TPO: variants seen among roughly 807,000 people sequenced by gnomAD.
TPO encodes the protein thyroid microsomal antigen.
In TPO, 78 loss-of-function variants were observed where a neutral mutation model predicts 96.9. The ratio of observed to expected loss-of-function variants is 0.81; its 90% confidence interval spans 0.67 to 0.97. The LOEUF is 0.97. TPO is among the 50% of genes least tolerant of loss of function. The probability of loss-of-function intolerance (pLI) is 0.00; values close to 1 mark genes in which losing one functional copy is unlikely to be tolerated. For synonymous variants in TPO, 547 were observed against 538.0 expected, an observed-to-expected ratio of 1.02 and a Z score of -0.23; for missense variants, 1,252 against 1,274.8, an observed-to-expected ratio of 0.98 and a Z score of 0.27.
At chr2:1,436,031 T>C (rs1220236457) in intron 4 of TPO, among the ~76,000 whole-genome samples, 1 of 152,146 alleles carries the variant, frequency 6.6e-6, no homozygotes, top group East Asian at 1.9e-4. Context: ...AAAAATAAAT[T>C]TTAAAACCCC....
At chr2:1,417,228 C>G (rs1573090744) in intron 2 of TPO, among the ~76,000 whole-genome samples, 1 of 143,400 alleles carries the variant, frequency 7.0e-6, no homozygotes, top group African/African-American at 2.6e-5. Context: ...CCGTGACTCA[C>G]ATCTGCAATC....
At position 1,477,334 on chromosome 2, in the gene TPO, C is replaced by G; in HGVS notation, c.1068C>G (p.Leu356=). 1 of 1,558,984 alleles carries G rather than the reference C, an allele frequency of 6.4e-7. No homozygotes were observed. Among genetic ancestry groups the G allele is most frequent in the Non-Finnish European group, 8.7e-7 (1 of 1,152,444 alleles). The change falls in exon 8 of 17, where the codon CTC becomes CTG. Residue 356 remains leucine (L), a synonymous_variant. Coordinates refer to ENST00000329066, the MANE Select transcript of TPO (RefSeq NM_001206744.2). ...GGCTGCTCCGCGTCCACGCGCGCCT[C>G]CGGGACTCCGGCCGCGCCTACCTGC... is the stretch of plus-strand genomic sequence containing the variant. ...AEGLLRVHAR[L]RDSGRAYLPF...
chr2:1,414,768 T>A (rs554748454), intron 2 of TPO, among the ~76,000 whole-genome samples: 1 of 152,246 alleles, frequency 6.6e-6, no homozygotes, highest in Admixed American at 6.5e-5. Context: ...GAAAAAAAAA[T>A]TCTTTGGGAG....
At chr2:1,445,278 G>C (rs1666667533) in intron 5 of TPO, among the ~76,000 whole-genome samples, 1 of 131,172 alleles carries the variant, frequency 7.6e-6, no homozygotes, top group African/African-American at 2.9e-5. Flanking sequence ...ACTGCTGCAG[G>C]AGGCACCATG....
At chr2:1,522,198 C>T (rs1204761005) in intron 15 of TPO, among the ~76,000 whole-genome samples, 1 of 147,880 alleles carries the variant, frequency 6.8e-6, no homozygotes, top group Non-Finnish European at 1.5e-5. Context: ...TCTCTCTACC[C>T]CACACCGGCC....
intron 15 of TPO, among the ~76,000 whole-genome samples, chr2:1,521,251 C>T (rs1230349521): frequency 6.6e-6 from 1 of 152,242 alleles, no homozygotes; most frequent in African/African-American, 2.4e-5. Context: ...CCGTCCAGGA[C>T]GTCTAACCCT....
intron 5 of TPO, among the ~76,000 whole-genome samples, chr2:1,440,338 G>A (rs533559074): frequency 4.6e-5 from 7 of 152,202 alleles, no homozygotes; most frequent in African/African-American, 1.4e-4. Context: ...TTGCTTTATG[G>A]TGTGATGTCT....
At chr2:1,379,391 C>A (rs1661772992) in intron 1 of TPO, among the ~76,000 whole-genome samples, 1 of 152,152 alleles carries the variant, frequency 6.6e-6, no homozygotes. Flanking sequence ...CCATATGTGA[C>A]ATTCAGCCCA....
intron 7 of TPO, among the ~76,000 whole-genome samples, chr2:1,461,821 C>A (rs533431377): frequency 6.6e-6 from 1 of 152,160 alleles, no homozygotes; most frequent in African/African-American, 2.4e-5. Context: ...TGCTGACATG[C>A]GGACCCTGTG....
intron 1 of TPO, among the ~76,000 whole-genome samples, chr2:1,394,841 G>C (rs1662054611): frequency 6.6e-6 from 1 of 152,114 alleles, no homozygotes; most frequent in Non-Finnish European, 1.5e-5. Context: ...CGCATTGGAT[G>C]GGCCATGAGA....
chr2:1,427,250 G>T (rs2148465557), intron 3 of TPO, among the ~76,000 whole-genome samples: 1 of 152,358 alleles, frequency 6.6e-6, no homozygotes, highest in Non-Finnish European at 1.5e-5. Flanking sequence ...CAGTGAGCTT[G>T]CCGGCCCAGG....
chr2:1,511,003 G>T (rs1674049839), intron 14 of TPO, among the ~76,000 whole-genome samples: 1 of 152,188 alleles, frequency 6.6e-6, no homozygotes, highest in South Asian at 2.1e-4. Context: ...CGATATAAAA[G>T]AATAGATTTA....
At chr2:1,454,623 C>T (rs1335751269) in intron 6 of TPO, among the ~76,000 whole-genome samples, 1 of 152,164 alleles carries the variant, frequency 6.6e-6, no homozygotes, top group Non-Finnish European at 1.5e-5. Context: ...GGCAATTGGG[C>T]TCACGCTCTG....
intron 11 of TPO, 111 bp downstream of exon 11, chr2:1,494,150 C>T: frequency 9.1e-7 from 1 of 1,092,988 alleles, no homozygotes; most frequent in Non-Finnish European, 1.4e-6. Context: ...CACCATTCAA[C>T]TCTTACGTAA....
intron 2 of TPO, among the ~76,000 whole-genome samples, chr2:1,422,292 A>G (rs1158513562): frequency 3.5e-5 from 1 of 28,178 alleles, no homozygotes; most frequent in Admixed American, 4.5e-4. Flanking sequence ...AGCCTTGAAG[A>G]CCCCGCAGGC....
At chr2:1,497,621 C>T (rs1245347856) in intron 13 of TPO, among the ~76,000 whole-genome samples, 9 of 152,204 alleles carry the variant, frequency 5.9e-5, no homozygotes, top group African/African-American at 1.7e-4. Context: ...CAGGCAGGAG[C>T]AGGAATGGCT....
chr2:1,472,674 T>C (rs1669533899), intron 7 of TPO, among the ~76,000 whole-genome samples: 1 of 152,054 alleles, frequency 6.6e-6, no homozygotes, highest in Admixed American at 6.5e-5. Context: ...CACTGCCAGG[T>C]TGGAAGGCAG....
At chr2:1,458,724 C>T (rs1343036990) in intron 7 of TPO, among the ~76,000 whole-genome samples, 1 of 152,174 alleles carries the variant, frequency 6.6e-6, no homozygotes, top group Non-Finnish European at 1.5e-5. Flanking sequence ...TGTGCATGCT[C>T]AGTGCCTGGT....
intron 7 of TPO, among the ~76,000 whole-genome samples, chr2:1,462,859 G>A (rs1434820937): frequency 1.3e-5 from 2 of 152,102 alleles, no homozygotes; most frequent in South Asian, 2.1e-4. Flanking sequence ...TTTAAACGTT[G>A]ATCACAGGCT....
Sources: gnomAD v4.1 joint callset for allele counts (sites outside exome capture counted in the v4.1 genomes callset) on GRCh38, gnomAD v4.1.1 for gene constraint, MANE v1.5 for transcripts, NCBI Gene and HGNC (gene_info 2026-07-23, HGNC 2026-07-21) for gene names.